The following SLC27A3 variants were observed in gnomAD, a reference collection of about 807,000 sequenced individuals.
The protein encoded by SLC27A3 is solute carrier family 27 member 3, also known as long-chain fatty acid transport protein 3.
In SLC27A3, 60 loss-of-function variants were observed where a neutral mutation model predicts 60.1. The ratio of observed to expected loss-of-function variants is 1.00; its 90% confidence interval spans 0.81 to 1.24. The LOEUF is 1.24. Ranked by LOEUF, SLC27A3 falls within the 50% of genes most tolerant of loss-of-function variation. The pLI, the probability that SLC27A3 is intolerant of heterozygous loss-of-function variation, is 0.00. For missense variants in SLC27A3, 1,079 were observed against 929.9 expected (o/e 1.16, Z -2.09); for synonymous variants, 455 against 409.0 (o/e 1.11, Z -1.36).
intron 3 of SLC27A3, chr1:153,777,528 G>C (rs1378332125): frequency 1.6e-6 from 1 of 623,200 alleles, no homozygotes; most frequent in Non-Finnish European, 2.8e-6. Flanking sequence ...TGTGGAGGAT[G>C]AGATCTTTGG....
rs373742297 is a variant in SLC27A3 at position 153,779,457 on chromosome 1, G to C, written c.1859G>C (p.Arg620Pro). Residue 620 changes from arginine (R) to proline (P), a missense_variant, in exon 9 of 10, where the codon CGA becomes CCA. Coordinates refer to ENST00000624995, the MANE Select transcript of SLC27A3 (RefSeq NM_024330.4). ...SENLPPYARP[R>P]FLRLQESLAT... ...AACTTGCCACCTTATGCCCGGCCCC[G>C]ATTCCTCAGGCTCCAGGTAACCGGC... The C allele has an allele frequency of 6.2e-7, 1 of 1,613,232 alleles. No individual in the cohort carries two copies. The highest frequency in any genetic ancestry group is 8.5e-7 in the Non-Finnish European group (1 of 1,179,868).
chr1:153,776,392 G>T, intron 1 of SLC27A3, 126 bp from the exon 2 acceptor site: 1 of 1,287,562 alleles, frequency 7.8e-7, no homozygotes, highest in East Asian at 2.3e-5. Context: ...TCAGACCCAA[G>T]ATGGAATGTC....
rs374899034 is a variant in SLC27A3, at chr1:153,778,321, G to A, written c.1322G>A (p.Arg441Gln). ...NVATINYTGQ[R>Q]GAVGRASWLY... ...GCCACCATCAACTACACAGGACAGC[G>A]GGGCGCTGTGGGGCGTGCTTCCTGG... Residue 441 changes from arginine (R) to glutamine (Q), a missense_variant, in exon 5 of 10, where the codon CGG (arginine) becomes CAG (glutamine). Arg to Gln is a conservative substitution (Grantham distance 43, BLOSUM62 1). Coordinates refer to ENST00000624995, the MANE Select transcript of SLC27A3 (RefSeq NM_024330.4). 5.0e-5 allele frequency: 80 copies of A among 1,614,006 alleles called. No individual in the cohort carries two copies. Among genetic ancestry groups the A allele is most frequent in the East Asian group, 2.0e-4 (9 of 44,900 alleles).
chr1:153,776,219 G>A, intron 1 of SLC27A3, 55 bp downstream of exon 1: 1 of 1,405,092 alleles, frequency 7.1e-7, no homozygotes. Flanking sequence ...AAGGGGGCGT[G>A]TCGGAGACCA....
In SLC27A3 at chr1:153,775,582, C is replaced by A; in HGVS notation, c.85C>A (p.Leu29Ile). The A allele has an allele frequency of 6.2e-7, 1 of 1,607,094 alleles. No homozygotes were observed. ...ACACCTCTGGCCGCAGTTGCGCTGG[C>A]TTCCGGCGGACTTGGCCTTTGCGGT... ...KLHLWPQLRW[L>I]PADLAFAVRA... Residue 29 changes from leucine (L) to isoleucine (I), a missense_variant, in exon 1 of 10, where the codon CTT (leucine) becomes ATT (isoleucine). Leu to Ile is a conservative substitution (Grantham distance 5). Transcript: ENST00000624995.
intron 4 of SLC27A3, 91 bp downstream of exon 4, chr1:153,777,976 A>G: frequency 6.4e-7 from 1 of 1,560,782 alleles, no homozygotes; most frequent in East Asian, 2.3e-5. Context: ...AGTTGGAGGG[A>G]GAAGCAGCAA....
intron 1 of SLC27A3, 74 bp downstream of exon 1, chr1:153,776,238 C>T: frequency 7.1e-7 from 1 of 1,412,650 alleles, no homozygotes; most frequent in Non-Finnish European, 9.2e-7. Flanking sequence ...CACAGAAAGG[C>T]TTGGTCTCAT....
Position 153,777,789 on chromosome 1 carries a change from C to T in SLC27A3, c.1065C>T (p.Phe355=). The part of the protein sequence containing the change: ...IGATVVLKSK[F]SAGQFWEDCQ... ...CCACAGTGGTGCTGAAATCCAAGTT[C>T]TCGGCTGGTCAGTTCTGGGAAGATT... is the stretch of plus-strand genomic sequence containing the variant. Residue 355 remains phenylalanine, a synonymous_variant, in exon 4 of 10, where the codon TTC becomes TTT. Transcript: ENST00000624995. 1 of 1,614,248 alleles carries T rather than the reference C, an allele frequency of 6.2e-7. No homozygotes were observed. The highest frequency in any genetic ancestry group is 1.1e-5 in the South Asian group (1 of 91,088).
rs190899874 is a variant in SLC27A3 at position 153,777,201 on chromosome 1, C to T, written c.1017C>T (p.Ile339=). The change falls in exon 3 of 10, where the codon ATC becomes ATT. Residue 339 remains isoleucine (I), a synonymous_variant. Coordinates refer to ENST00000624995, the MANE Select transcript of SLC27A3 (RefSeq NM_024330.4). ...ACATGTCCGGTTCCCTGCTGGGCAT[C>T]GTGGGCTGCATGGGCATTGGTCAGT... ...LYHMSGSLLG[I]VGCMGIGATV... 5.0e-4 allele frequency: 800 copies of T among 1,614,234 alleles called. 11 individuals carry two copies. The Admixed American group carries it at 0.012, about 24-fold the overall frequency.
At position 153,777,062 on chromosome 1, in the gene SLC27A3, G is replaced by A; in HGVS notation, c.878G>A (p.Gly293Asp). ...TCGTCCCATAACTGCCACCCCACAG[G>A]CCTCCCCAAGGCTGCTCGGATCAGT... The part of the protein sequence containing the change: ...CLYIFTSGTT[G>D]LPKAARISHL... Residue 293 changes from glycine (G) to aspartate (D), a missense_variant and splice_region_variant, in exon 3 of 10, where the codon GGC becomes GAC. Gly to Asp is a moderately conservative substitution (Grantham distance 94). Coordinates refer to ENST00000624995, the MANE Select transcript of SLC27A3 (RefSeq NM_024330.4). The A allele has an allele frequency of 6.2e-7, 1 of 1,614,060 alleles. No individual in the cohort carries two copies. The highest frequency in any genetic ancestry group is 1.6e-4 in the Middle Eastern group (1 of 6,062).
In SLC27A3 at chr1:153,778,563, G is replaced by A; in HGVS notation, c.1447+10G>A. 1 of 1,613,752 alleles carries A rather than the reference G, an allele frequency of 6.2e-7. No individual in the cohort carries two copies. Among genetic ancestry groups the A allele is most frequent in the Non-Finnish European group, 8.5e-7 (1 of 1,179,610 alleles). On this transcript the variant is annotated intron_variant, in intron 6 of 9. Transcript: ENST00000624995. ...ATGGCCACATCTCCAGGTTGGTGGT[G>A]TTCTGGTGGGGTGGGCGGGGTGCTG...
chr1:153,778,796 TG>T lies in SLC27A3; in HGVS notation c.1561del (p.Asp521MetfsTer47). On this transcript the variant is annotated frameshift_variant, in exon 7 of 10. Coordinates refer to ENST00000624995, the MANE Select transcript of SLC27A3 (RefSeq NM_024330.4). LOFTEE classifies it high-confidence loss of function. ...GKLLKDVFRP[G>X]DVFFNTGDLL... is the part of the protein sequence containing the mutation. ...AGTTGCTAAAGGATGTCTTCCGGCC[TG>T]GGGATGTTTTCTTCAACACTGGGGA... The T allele has an allele frequency of 1.9e-6, 3 of 1,614,132 alleles. No individual in the cohort carries two copies. Among genetic ancestry groups the T allele is most frequent in the Non-Finnish European group, 2.5e-6 (3 of 1,180,006 alleles).
Position 153,779,725 on chromosome 1 carries a change from C to G in SLC27A3, c.1876-101C>G, listed in dbSNP as rs554202845. On this transcript the variant is annotated intron_variant, in intron 9 of 9. Transcript: ENST00000624995. ...CTCCCCTAAACCTTGACCTCACACT[C>G]CCTTTCCCAAGACTTGCTCCTTAAC... The G allele has an allele frequency of 2.4e-5, 29 of 1,202,938 alleles. No homozygotes were observed. The Middle Eastern group carries it at 6.0e-4, about 25-fold the overall frequency. 74.5% of individuals were successfully genotyped at this position (1,202,938 alleles called of 1,614,324 possible).
Position 153,779,130 on chromosome 1 carries a change from G to A in SLC27A3, c.1663G>A (p.Val555Met). ...CTCTGACAGGTGGAAGGGGGAGAAT[G>A]TGGCCACAACCGAGGTGGCAGAGGT... Reference protein sequence around the residue: ...GDTFRWKGENVATTEVAEVFE... With the variant: ...GDTFRWKGENMATTEVAEVFE... The change falls in exon 8 of 10, where the codon GTG becomes ATG. Residue 555 changes from valine to methionine, a missense_variant. Val to Met is a conservative substitution (Grantham distance 21). Transcript: ENST00000624995. 1.9e-6 allele frequency: 3 copies of A among 1,614,144 alleles called. No individual in the cohort carries two copies. Among genetic ancestry groups the A allele is most frequent in the Non-Finnish European group, 2.5e-6 (3 of 1,179,998 alleles).
At chr1:153,777,038 C>G (rs151180786) in intron 2 of SLC27A3, 24 bp from the exon 3 acceptor site, 3 of 1,612,516 alleles carry the variant, frequency 1.9e-6, no homozygotes, top group African/African-American at 1.3e-5. Flanking sequence ...TTCCCCTGAT[C>G]GTCCCATAAC....
rs1008115464 is a variant in SLC27A3, at chr1:153,778,862, T to C, written c.1623T>C (p.His541=). The C allele has an allele frequency of 1.9e-6, 3 of 1,614,188 alleles. No homozygotes were observed. The highest frequency in any genetic ancestry group is 2.5e-6 in the Non-Finnish European group (3 of 1,180,012). The change falls in exon 7 of 10, where the codon CAT becomes CAC. Residue 541 remains histidine (H), a synonymous_variant. Coordinates refer to ENST00000624995, the MANE Select transcript of SLC27A3 (RefSeq NM_024330.4). ...VCDDQGFLRF[H]DRTGDTFRWK... ...ATGACCAAGGTTTTCTCCGCTTCCA[T>C]GATCGTACTGGAGACACCTTCAGGT...
At chr1:153,777,979 A>T in intron 4 of SLC27A3, 94 bp downstream of exon 4, 1 of 1,561,868 alleles carries the variant, frequency 6.4e-7, no homozygotes, top group African/African-American at 1.4e-5. Context: ...TGGAGGGAGA[A>T]GCAGCAAGAA....
In SLC27A3 at chr1:153,777,170, T is replaced by G. The variant is rs1324843069; in HGVS notation, c.986T>G (p.Leu329Arg). Reference protein sequence around the residue: ...QEDVIYLALPLYHMSGSLLGI... With the variant: ...QEDVIYLALPRYHMSGSLLGI... ...GATGTGATCTACCTCGCCCTCCCAC[T>G]CTACCACATGTCCGGTTCCCTGCTG... The change falls in exon 3 of 10, where the codon CTC becomes CGC. Residue 329 changes from leucine (L) to arginine (R), a missense_variant. Leu to Arg is a moderately radical substitution (Grantham distance 102). Coordinates refer to ENST00000624995, the MANE Select transcript of SLC27A3 (RefSeq NM_024330.4). 2 of 1,614,142 alleles carry G rather than the reference T, an allele frequency of 1.2e-6. No homozygotes were observed. Among genetic ancestry groups the G allele is most frequent in the East Asian group, 4.5e-5 (2 of 44,900 alleles).
At position 153,775,599 on chromosome 1, in the gene SLC27A3, C is replaced by A; in HGVS notation, c.102C>A (p.Ala34=). The A allele has an allele frequency of 6.3e-7, 1 of 1,597,918 alleles. No homozygotes were observed. The highest frequency in any genetic ancestry group is 8.5e-7 in the Non-Finnish European group (1 of 1,174,936). The change falls in exon 1 of 10, where the codon GCC becomes GCA. Residue 34 remains alanine (A), a synonymous_variant. Coordinates refer to ENST00000624995, the MANE Select transcript of SLC27A3 (RefSeq NM_024330.4). The part of the protein sequence containing the change: ...PQLRWLPADL[A]FAVRALCCKR... Reference sequence around the variant, plus strand: ...TGCGCTGGCTTCCGGCGGACTTGGCCTTTGCGGTGCGAGCTCTGTGCTGCA... The same window carrying A: ...TGCGCTGGCTTCCGGCGGACTTGGCATTTGCGGTGCGAGCTCTGTGCTGCA...
Sources: gnomAD v4.1 joint callset for allele counts on GRCh38, gnomAD v4.1.1 for gene constraint, MANE v1.5 for transcripts, NCBI Gene and HGNC (gene_info 2026-07-23, HGNC 2026-07-21) for gene names.